Variants in VTI1A observed in about 807,000 individuals in gnomAD.
The protein encoded by VTI1A is vesicle transport through interaction with t-SNAREs homolog 1A.
VTI1A carries 22 observed loss-of-function variants against 34.9 expected under a neutral mutation model. That is an observed-to-expected ratio of 0.63 (90% CI 0.45 to 0.90). The LOEUF (loss-of-function observed/expected upper bound fraction) is 0.90. Ranked by LOEUF, VTI1A falls within the 40% of genes least tolerant of loss-of-function variation. VTI1A has a pLI of 0.00. For missense variants in VTI1A, 268 were observed against 275.6 expected, an observed-to-expected ratio of 0.97 and a Z score of 0.20; for synonymous variants, 87 against 97.3, an observed-to-expected ratio of 0.89 and a Z score of 0.62.
chr10:112,803,706 C>CA (rs1852961926), intron 7 of VTI1A, among the ~76,000 whole-genome samples: 1 of 152,110 alleles, frequency 6.6e-6, no homozygotes, highest in Non-Finnish European at 1.5e-5. Context: ...GTGAAGGCTG[C>CA]AGTGAGCTGT....
At chr10:112,691,806 A>C (rs750869278) in intron 7 of VTI1A, among the ~76,000 whole-genome samples, 1 of 152,198 alleles carries the variant, frequency 6.6e-6, no homozygotes, top group Non-Finnish European at 1.5e-5. Context: ...CTTCTAGTCA[A>C]AGTGACATGG....
chr10:112,619,166 T>C (rs1323609193), intron 5 of VTI1A, among the ~76,000 whole-genome samples: 2 of 152,136 alleles, frequency 1.3e-5, no homozygotes, highest in Non-Finnish European at 2.9e-5. Context: ...TATTTTTTTT[T>C]CCAGCTGACT....
intron 4 of VTI1A, among the ~76,000 whole-genome samples, chr10:112,535,783 TG>T (rs1850597273): frequency 6.6e-6 from 1 of 152,216 alleles, no homozygotes; most frequent in African/African-American, 2.4e-5. Context: ...GCTACTGTAG[TG>T]TATTTCCTTT....
chr10:112,545,228 A>G (rs1040773117), intron 5 of VTI1A, among the ~76,000 whole-genome samples: 2 of 152,260 alleles, frequency 1.3e-5, no homozygotes, highest in African/African-American at 4.8e-5. Flanking sequence ...GTGTGTTTCC[A>G]AAGATTCTTT....
chr10:112,545,913 G>T (rs1270920498), intron 5 of VTI1A, among the ~76,000 whole-genome samples: 1 of 151,754 alleles, frequency 6.6e-6, no homozygotes, highest in African/African-American at 2.4e-5. Context: ...ACCAGGGTGT[G>T]TGTGTGTGCA....
chr10:112,527,113 C>G lies in VTI1A; in HGVS notation c.291C>G (p.Asp97Glu). 1 of 1,613,292 alleles carries G rather than the reference C, an allele frequency of 6.2e-7. No homozygotes were observed. Among genetic ancestry groups the G allele is most frequent in the Non-Finnish European group, 8.5e-7 (1 of 1,179,604 alleles). The stretch of plus-strand genomic sequence containing the variant: ...AAAGGTCACGGATCGCCTACAGTGA[C>G]GAAGTACGGAATGAGCTCCTGGGGG... Reference protein sequence around the residue: ...DFKRSRIAYSDEVRNELLGDD... With the variant: ...DFKRSRIAYSEEVRNELLGDD... The change falls in exon 4 of 8, where the codon GAC becomes GAG. Residue 97 changes from aspartate (D) to glutamate (E), a missense_variant. Asp to Glu is a conservative substitution (Grantham distance 45). Coordinates refer to ENST00000393077, the MANE Select transcript of VTI1A (RefSeq NM_145206.4).
chr10:112,815,467 C>A lies in VTI1A; in HGVS notation c.*84C>A. The A allele has an allele frequency of 1.6e-6, 2 of 1,226,044 alleles. No individual in the cohort carries two copies. Among genetic ancestry groups the A allele is most frequent in the Non-Finnish European group, 2.4e-6 (2 of 834,592 alleles). The allele number at this position is 1,226,044 out of a possible 1,614,324, so 75.9% of individuals were successfully genotyped here. A position where few individuals can be genotyped will look rare whatever the true frequency, so the allele number is the denominator to read the frequency against. ...AATGGTCACATGAATCATTCTGTTG[C>A]GCTGACAGGCCCCAGGTGACCCTCT... On this transcript the variant is annotated 3_prime_UTR_variant, in exon 8 of 8. Coordinates refer to ENST00000393077, the MANE Select transcript of VTI1A (RefSeq NM_145206.4).
At chr10:112,727,426 GA>G (rs35628341) in intron 7 of VTI1A, among the ~76,000 whole-genome samples, 59,414 of 150,956 alleles carry the variant, frequency 0.39, 14,768 homozygotes, top group African/African-American at 0.71. Context: ...ACCCTGCAGG[GA>G]AAAAAAAAAT....
chr10:112,854,192 G>A, the VTI1A span, among the ~76,000 whole-genome samples: 66 of 152,252 alleles, frequency 4.3e-4, no homozygotes, highest in Non-Finnish European at 7.2e-4. Flanking sequence ...GAAACACACC[G>A]GCTATTCCAA....
At chr10:112,744,760 G>A (rs908199088) in intron 7 of VTI1A, among the ~76,000 whole-genome samples, 5 of 152,076 alleles carry the variant, frequency 3.3e-5, no homozygotes, top group Non-Finnish European at 5.9e-5. Context: ...TTGCACTTTC[G>A]ATGTTGTCCC....
At chr10:112,620,196 A>C (rs944514414) in intron 5 of VTI1A, among the ~76,000 whole-genome samples, 1 of 151,974 alleles carries the variant, frequency 6.6e-6, no homozygotes, top group African/African-American at 2.4e-5. Context: ...TGGACCGTAA[A>C]TCTCTTTGGG....
the VTI1A span, among the ~76,000 whole-genome samples, chr10:112,828,724 A>C: frequency 7.2e-5 from 11 of 152,020 alleles, no homozygotes; most frequent in Admixed American, 5.2e-4. Context: ...TTTTAACAAT[A>C]AATAGAGCTG....
At chr10:112,675,748 C>A (rs1449271864) in intron 7 of VTI1A, among the ~76,000 whole-genome samples, 1 of 152,130 alleles carries the variant, frequency 6.6e-6, no homozygotes, top group African/African-American at 2.4e-5. Context: ...GCAAACAGTT[C>A]CAGTCTTGTT....
At chr10:112,561,801 ACT>A (rs1851732712) in intron 5 of VTI1A, among the ~76,000 whole-genome samples, 1 of 152,006 alleles carries the variant, frequency 6.6e-6, no homozygotes, top group South Asian at 2.1e-4. Flanking sequence ...CTTTAGGGAG[ACT>A]CTAGAAATAT....
At chr10:112,787,704 T>C (rs1219912762) in intron 7 of VTI1A, among the ~76,000 whole-genome samples, 15 of 136,136 alleles carry the variant, frequency 1.1e-4, no homozygotes, top group African/African-American at 2.3e-4. Flanking sequence ...TTTTCTTTTT[T>C]TTTTTTTTTT....
At chr10:112,780,657 G>C (rs958493831) in intron 7 of VTI1A, among the ~76,000 whole-genome samples, 3 of 152,002 alleles carry the variant, frequency 2.0e-5, no homozygotes, top group Non-Finnish European at 4.4e-5. Flanking sequence ...ATGCATTGTT[G>C]TTCCCATTTT....
intron 5 of VTI1A, among the ~76,000 whole-genome samples, chr10:112,596,876 G>A (rs1482908163): frequency 6.6e-6 from 1 of 152,054 alleles, no homozygotes; most frequent in Non-Finnish European, 1.5e-5. Flanking sequence ...CAAGTTTGTG[G>A]TATACTTTTT....
At position 112,464,550 on chromosome 10, in the gene VTI1A, G is replaced by T. The variant is rs1201780717; in HGVS notation, c.157G>T (p.Glu53Ter). Reference sequence around the variant, plus strand: ...CATTTTTCTTTCCCTCTTCTAGCTTGAACAGATGGATTTGGAAGTCCGAGA... The same window carrying T: ...CATTTTTCTTTCCCTCTTCTAGCTTTAACAGATGGATTTGGAAGTCCGAGA... Reference protein sequence around the residue: ...KQLEEAKELLEQMDLEVREIP... With the variant: ...KQLEEAKELL The change falls in exon 3 of 8, where the codon GAA becomes TAA. Residue 53 changes from glutamate to a stop codon, truncating the protein, a stop_gained. Transcript: ENST00000393077. LOFTEE classifies it high-confidence loss of function. 1 of 1,611,362 alleles carries T rather than the reference G, an allele frequency of 6.2e-7. No individual in the cohort carries two copies. Among genetic ancestry groups the T allele is most frequent in the Non-Finnish European group, 8.5e-7 (1 of 1,178,378 alleles).
chr10:112,697,548 C>G, intron 7 of VTI1A, among the ~76,000 whole-genome samples: 1 of 151,980 alleles, frequency 6.6e-6, no homozygotes, highest in East Asian at 1.9e-4. Context: ...AGGCATGCAC[C>G]ATCATGCCCA....
Sources: gnomAD v4.1 joint callset for allele counts (sites outside exome capture counted in the v4.1 genomes callset) on GRCh38, gnomAD v4.1.1 for gene constraint, MANE v1.5 for transcripts, NCBI Gene and HGNC (gene_info 2026-07-23, HGNC 2026-07-21) for gene names.